Variants in AGBL1 observed in about 807,000 individuals in gnomAD.
The protein encoded by AGBL1 is cytosolic carboxypeptidase 4.
In AGBL1, 130 loss-of-function variants were observed where a neutral mutation model predicts 118.9. That is an observed-to-expected ratio of 1.09 (90% CI 0.95 to 1.26). The LOEUF is 1.26. Among genes scored for constraint, AGBL1 ranks in the 50% most tolerant of loss-of-function variants. The pLI is 0.00. For missense variants in AGBL1, 1,584 were observed against 1,298.1 expected, an observed-to-expected ratio of 1.22 and a Z score of -3.38; for synonymous variants, 555 against 478.9, an observed-to-expected ratio of 1.16 and a Z score of -2.08.
rs1248768841 is a variant in AGBL1 at position 86,271,310 on chromosome 15, C to T, written c.1988-309C>T. 4.6e-5 allele frequency among the ~76,000 whole-genome samples: 7 copies of T among 151,966 alleles called. 1 individual carries two copies. Among genetic ancestry groups the T allele is most frequent in the Admixed American group, 3.9e-4 (6 of 15,254 alleles). ...ATCTCCTGACCTTGTGATCTGCTGGCCTCAGCCTCCCAAAGTGCTGGTATT... is the reference window on the plus strand; with the variant it reads ...ATCTCCTGACCTTGTGATCTGCTGGTCTCAGCCTCCCAAAGTGCTGGTATT... On this transcript the variant is annotated intron_variant, in intron 14 of 22. Coordinates refer to ENST00000614907, the MANE Select transcript of AGBL1 (RefSeq NM_001386094.1).
chr15:86,821,244 T>C (rs897186808), intron 22 of AGBL1, among the ~76,000 whole-genome samples: 4 of 151,984 alleles, frequency 2.6e-5, no homozygotes, highest in African/African-American at 9.7e-5. Context: ...GGTTGATGAG[T>C]GCAGCAAACC....
intron 23 of AGBL1, among the ~76,000 whole-genome samples, chr15:86,925,271 A>G (rs1215936917): frequency 6.6e-6 from 1 of 152,080 alleles, no homozygotes; most frequent in Non-Finnish European, 1.5e-5. Flanking sequence ...CTAAGCCCCA[A>G]TCCTGGTGAT....
intron 1 of AGBL1, among the ~76,000 whole-genome samples, chr15:86,137,197 A>G (rs906217152): frequency 1.6e-4 from 25 of 152,188 alleles, no homozygotes; most frequent in Admixed American, 1.2e-3. Flanking sequence ...TTAAAGTAAA[A>G]CCATTTGTGC....
intron 22 of AGBL1, among the ~76,000 whole-genome samples, chr15:86,901,558 T>C (rs936932797): frequency 2.0e-5 from 3 of 152,132 alleles, no homozygotes; most frequent in African/African-American, 7.2e-5. Context: ...GACCAACTTA[T>C]AAAGAGTCCT....
intron 21 of AGBL1, among the ~76,000 whole-genome samples, chr15:86,563,255 T>C (rs949485368): frequency 6.6e-6 from 1 of 152,184 alleles, no homozygotes; most frequent in Non-Finnish European, 1.5e-5. Context: ...GTTTTAGATC[T>C]TTCCTGCTTT....
intron 22 of AGBL1, among the ~76,000 whole-genome samples, chr15:86,843,750 TA>T (rs533063544): frequency 2.0e-5 from 3 of 152,236 alleles, no homozygotes; most frequent in Non-Finnish European, 4.4e-5. Context: ...GTTCACATAC[TA>T]TATAAATTTC....
intron 22 of AGBL1, among the ~76,000 whole-genome samples, chr15:86,809,439 C>G (rs1484878218): frequency 6.6e-6 from 1 of 152,096 alleles, no homozygotes; most frequent in Non-Finnish European, 1.5e-5. Context: ...ATTCCATAAC[C>G]AGGATTCTTT....
chr15:86,648,832 G>A (rs2085326731), intron 21 of AGBL1, among the ~76,000 whole-genome samples: 1 of 152,156 alleles, frequency 6.6e-6, no homozygotes, highest in Non-Finnish European at 1.5e-5. Flanking sequence ...TGAAGTAGAT[G>A]AGGAGTAAGA....
chr15:86,922,384 G>A (rs190957448), intron 23 of AGBL1, among the ~76,000 whole-genome samples: 35 of 152,282 alleles, frequency 2.3e-4, no homozygotes, highest in Non-Finnish European at 4.1e-4. Flanking sequence ...TCCGCCTCCT[G>A]GGTTCAAGAA....
intron 1 of AGBL1, among the ~76,000 whole-genome samples, chr15:86,118,710 G>A (rs1897915656): frequency 6.7e-6 from 1 of 150,142 alleles, no homozygotes; most frequent in Non-Finnish European, 1.5e-5. Flanking sequence ...CTTGGATTCT[G>A]TTTATAATGC....
chr15:86,427,754 C>G (rs574785006), intron 18 of AGBL1, among the ~76,000 whole-genome samples: 1 of 152,244 alleles, frequency 6.6e-6, no homozygotes, highest in South Asian at 2.1e-4. Flanking sequence ...TTAACAGAGT[C>G]ACTACTTATT....
intron 5 of AGBL1, among the ~76,000 whole-genome samples, chr15:86,217,255 T>G (rs1330458430): frequency 3.9e-5 from 6 of 152,228 alleles, no homozygotes; most frequent in African/African-American, 1.4e-4. Context: ...TTTATCAGTT[T>G]GTCTTGACAC....
At chr15:86,496,871 G>T (rs1376818410) in intron 18 of AGBL1, among the ~76,000 whole-genome samples, 1 of 151,912 alleles carries the variant, frequency 6.6e-6, no homozygotes, top group Non-Finnish European at 1.5e-5. Context: ...TTTTAAAAAT[G>T]CATCTTTTCC....
chr15:86,360,827 C>A (rs2080795225), intron 17 of AGBL1, among the ~76,000 whole-genome samples: 1 of 151,680 alleles, frequency 6.6e-6, no homozygotes, highest in Non-Finnish European at 1.5e-5. Context: ...CATAATAGTC[C>A]CTTGTAATCC....
intron 1 of AGBL1, among the ~76,000 whole-genome samples, chr15:86,134,603 C>CTTTT (rs1567076426): frequency 8.7e-6 from 1 of 114,314 alleles, no homozygotes; most frequent in Non-Finnish European, 1.8e-5. Flanking sequence ...ATCAATGGTG[C>CTTTT]CTTTTTTTTT....
chr15:86,580,554 T>C (rs1437909231), intron 21 of AGBL1, among the ~76,000 whole-genome samples: 2 of 152,164 alleles, frequency 1.3e-5, no homozygotes, highest in Non-Finnish European at 2.9e-5. Flanking sequence ...TTATGGATCA[T>C]TAATTTTTTT....
chr15:86,639,190 C>T (rs939669729), intron 21 of AGBL1, among the ~76,000 whole-genome samples: 3 of 152,150 alleles, frequency 2.0e-5, no homozygotes, highest in Non-Finnish European at 4.4e-5. Flanking sequence ...TTCCAGTCCA[C>T]ACTCAAGAAG....
intron 23 of AGBL1, among the ~76,000 whole-genome samples, chr15:86,957,739 A>G (rs117314110): frequency 0.015 from 2,347 of 152,246 alleles, 40 homozygotes; most frequent in Middle Eastern, 0.071. Context: ...TTAATAAATG[A>G]GAAGAATCAA....
At chr15:86,936,229 AGTGTGTATGTATGT>A (rs984390062) in intron 23 of AGBL1, among the ~76,000 whole-genome samples, 76 of 140,660 alleles carry the variant, frequency 5.4e-4, no homozygotes, top group African/African-American at 2.0e-3. Context: ...TGTAAACAGC[AGTGTGTATGTATGT>A]GTGTGTGTGT....
Sources: gnomAD v4.1 joint callset for allele counts (sites outside exome capture counted in the v4.1 genomes callset) on GRCh38, gnomAD v4.1.1 for gene constraint, MANE v1.5 for transcripts, NCBI Gene and HGNC (gene_info 2026-07-23, HGNC 2026-07-21) for gene names.